Variants in FUNDC2 observed in about 807,000 individuals in gnomAD.
The protein encoded by FUNDC2 is FUN14 domain containing 2, also known as FUN14 domain-containing protein 2.
FUNDC2 carries 4 observed loss-of-function variants against 15.6 expected under a neutral mutation model. The observed-to-expected ratio is 0.26, with a 90% CI of 0.13 to 0.59. The LOEUF (loss-of-function observed/expected upper bound fraction) is 0.59. Among genes scored for constraint, FUNDC2 ranks in the 20% least tolerant of loss-of-function variants. The probability of loss-of-function intolerance (pLI) is 0.90; values close to 1 mark genes in which losing one functional copy is unlikely to be tolerated. For synonymous variants in FUNDC2, 44 were observed against 56.9 expected (o/e 0.77, Z 1.02); for missense variants, 98 against 149.7 (o/e 0.65, Z 1.80).
In FUNDC2 at chrX:155,055,443, AT is replaced by A. The variant is rs368875957; in HGVS notation, c.*782del. On this transcript the variant is annotated 3_prime_UTR_variant, in exon 5 of 5. Transcript: ENST00000369498. Reference sequence around the variant, plus strand: ...ATAACTCCTCTGTGCCACTTCTACTATTTTTTTTTTTAATCTAGTTAGTATG... The same window carrying A: ...ATAACTCCTCTGTGCCACTTCTACTATTTTTTTTTTAATCTAGTTAGTATG... 0.022 allele frequency: 4,522 copies of A among 204,353 alleles called. 18 individuals are homozygous for A. The highest frequency in any genetic ancestry group is 0.057 in the Admixed American group (735 of 12,899). 16.8% of individuals were successfully genotyped at this position (204,353 alleles called of 1,213,427 possible).
Position 155,054,894 on chromosome X carries a change from C to A in FUNDC2, c.*222C>A, listed in dbSNP as rs1387936529. ...AGTCCTTAGCTCTCCTCCCAGTACA[C>A]CCCCTACTTGGCCAGTCTGTAGGCC... On this transcript the variant is annotated 3_prime_UTR_variant, in exon 5 of 5. Coordinates refer to ENST00000369498, the MANE Select transcript of FUNDC2 (RefSeq NM_023934.4). 12 of 392,584 alleles carry A rather than the reference C, an allele frequency of 3.1e-5. No individual in the cohort carries two copies. Among genetic ancestry groups the A allele is most frequent in the Non-Finnish European group, 4.4e-5 (10 of 226,907 alleles). 32.4% of individuals were successfully genotyped at this position (392,584 alleles called of 1,213,427 possible). A position where few individuals can be genotyped will look rare whatever the true frequency, so the allele number is the denominator to read the frequency against.
chrX:155,045,632 GACAA>G (rs1557289975), intron 2 of FUNDC2, among the ~76,000 whole-genome samples: 1 of 111,689 alleles, frequency 9.0e-6, no homozygotes, highest in African/African-American at 3.3e-5. Flanking sequence ...GAAGTCATGG[GACAA>G]AAGCCTGAAT....
intron 1 of FUNDC2, among the ~76,000 whole-genome samples, chrX:155,028,191 A>G (rs1309687717): frequency 9.9e-6 from 1 of 100,848 alleles, no homozygotes; most frequent in Non-Finnish European, 1.9e-5. Context: ...AATTGTTATC[A>G]CAGTGATGAT....
chrX:155,054,376 C>A, intron 4 of FUNDC2: 1 of 747,928 alleles, frequency 1.3e-6, no homozygotes, highest in South Asian at 6.8e-5. Context: ...TAGTCTTATT[C>A]TCCCCACACC....
chrX:155,054,561 C>A (rs1328442043), intron 4 of FUNDC2, 34 bp from the exon 5 acceptor site: 1 of 1,206,279 alleles, frequency 8.3e-7, no homozygotes, highest in East Asian at 3.0e-5. Flanking sequence ...ACATCCTTAG[C>A]AAAACAACCC....
At position 155,056,226 on chromosome X, in the gene FUNDC2, C is replaced by G. The variant is rs930047255; in HGVS notation, c.*1554C>G. 22 of 112,015 alleles carry G rather than the reference C, an allele frequency of 2.0e-4. No homozygotes were observed. The highest frequency in any genetic ancestry group is 5.8e-4 in the African/African-American group (18 of 30,839). The allele number at this position is 112,015 out of a possible 1,213,427, so 9.2% of individuals were successfully genotyped here. A position where few individuals can be genotyped will look rare whatever the true frequency, so the allele number is the denominator to read the frequency against. On this transcript the variant is annotated 3_prime_UTR_variant, in exon 5 of 5. Coordinates refer to ENST00000369498, the MANE Select transcript of FUNDC2 (RefSeq NM_023934.4). Reference sequence around the variant, plus strand: ...CCCCTGTGTATCTATCACTCACTCACAACAATCATCAAATTATAGCTCTGC... The same window carrying G: ...CCCCTGTGTATCTATCACTCACTCAGAACAATCATCAAATTATAGCTCTGC...
rs190255060 is a variant in FUNDC2, at chrX:155,035,459, T to C, written c.284+1906T>C. 1.8e-4 allele frequency among the ~76,000 whole-genome samples: 20 copies of C among 112,141 alleles called. No individual in the cohort carries two copies. The East Asian group carries it at 5.2e-3, about 29-fold the overall frequency. ...ATAAAATTTGATACATTTTTACATA[T>C]GTACATGCCCATAAAACCATCACCA... On this transcript the variant is annotated intron_variant, in intron 2 of 4. Coordinates refer to ENST00000369498, the MANE Select transcript of FUNDC2 (RefSeq NM_023934.4).
rs781841002 is a variant in FUNDC2 at position 155,038,378 on chromosome X, C to G, written c.284+4825C>G. ...TTACCATGTTTTTGTGGTGAGAACA[C>G]TTAAAACCTACTCTTATAGCAATTT... On this transcript the variant is annotated intron_variant, in intron 2 of 4. Transcript: ENST00000369498. Among the ~76,000 whole-genome samples, 5 of 112,070 alleles carry G rather than the reference C, an allele frequency of 4.5e-5. No homozygotes were observed. In the Admixed American group the frequency reaches 4.7e-4, roughly 11 times the overall value.
chrX:155,052,954 C>G (rs2073883232), intron 4 of FUNDC2, among the ~76,000 whole-genome samples: 1 of 112,504 alleles, frequency 8.9e-6, no homozygotes, highest in Non-Finnish European at 1.9e-5. Flanking sequence ...TCATGGCTCA[C>G]TGTTGCCTCA....
chrX:155,058,280 T>C lies in FUNDC2; in HGVS notation c.*3608T>C, dbSNP rs2073915595. 1 of 111,201 alleles carries C rather than the reference T, an allele frequency of 9.0e-6. No homozygotes were observed. The highest frequency in any genetic ancestry group is 1.9e-5 in the Non-Finnish European group (1 of 53,011). 9.2% of individuals were successfully genotyped at this position (111,201 alleles called of 1,213,427 possible). A position where few individuals can be genotyped will look rare whatever the true frequency, so the allele number is the denominator to read the frequency against. On this transcript the variant is annotated 3_prime_UTR_variant, in exon 5 of 5. Transcript: ENST00000369498. Reference sequence around the variant, plus strand: ...AATTCTAGCCAACATGCTCTTGGGGTGGGTGCTTCTGGTTTTGGAAAGCAA... The same window carrying C: ...AATTCTAGCCAACATGCTCTTGGGGCGGGTGCTTCTGGTTTTGGAAAGCAA...
intron 1 of FUNDC2, among the ~76,000 whole-genome samples, chrX:155,028,235 T>A (rs2073802537): frequency 9.0e-6 from 1 of 111,704 alleles, no homozygotes; most frequent in Admixed American, 9.4e-5. Flanking sequence ...TTTTGTGGGC[T>A]CATAAACGAA....
chrX:155,054,496 A>C, intron 4 of FUNDC2, 99 bp from the exon 5 acceptor site: 1 of 1,172,948 alleles, frequency 8.5e-7, no homozygotes, highest in Non-Finnish European at 1.1e-6. Context: ...CGATGAGGGG[A>C]TTGACATTGT....
At chrX:155,050,894 T>C (rs1557290439) in intron 3 of FUNDC2, 2 of 112,033 alleles carry the variant, frequency 1.8e-5, no homozygotes, top group African/African-American at 6.5e-5. Context: ...TTAGCTAAAA[T>C]AGGGCCTAGA....
At chrX:155,042,341 C>T (rs782534769) in intron 2 of FUNDC2, among the ~76,000 whole-genome samples, 14 of 106,943 alleles carry the variant, frequency 1.3e-4, no homozygotes, top group East Asian at 1.2e-3. Context: ...TGTGCACCAC[C>T]GCACCTGGCT....
At chrX:155,043,996 T>C (rs1440472635) in intron 2 of FUNDC2, among the ~76,000 whole-genome samples, 1 of 111,947 alleles carries the variant, frequency 8.9e-6, no homozygotes, top group African/African-American at 3.2e-5. Flanking sequence ...TCTCTCTTAG[T>C]GAGGAGGGAA....
intron 3 of FUNDC2, among the ~76,000 whole-genome samples, chrX:155,048,825 TC>T (rs2073871453): frequency 2.7e-5 from 3 of 112,453 alleles, no homozygotes; most frequent in Admixed American, 9.4e-5. Flanking sequence ...TCAGTTTTAT[TC>T]CTGGATACCT....
Position 155,051,674 on chromosome X carries a change from C to A in FUNDC2, c.365C>A (p.Ala122Glu). 8.3e-7 allele frequency: 1 copy of A among 1,209,614 alleles called. No homozygotes were observed. The highest frequency in any genetic ancestry group is 1.1e-6 in the Non-Finnish European group (1 of 893,851). Residue 122 changes from alanine (A) to glutamate (E), a missense_variant, in exon 4 of 5, where the codon GCA (alanine) becomes GAA (glutamate). By Grantham distance (107) the Ala-to-Glu change is moderately radical. Coordinates refer to ENST00000369498, the MANE Select transcript of FUNDC2 (RefSeq NM_023934.4). ...VGGGFFLLQLANHTGYIKVDW... is the reference protein window; with the variant it reads ...VGGGFFLLQLENHTGYIKVDW... ...TCATTATTGTTGATACTGTAGCTTG[C>A]AAACCATACTGGGTACATCAAAGTT...
intron 3 of FUNDC2, chrX:155,050,432 A>C (rs1287850983): frequency 2.7e-5 from 3 of 111,763 alleles, no homozygotes. Context: ...TTTTTATGTA[A>C]GAGCCTTCAA....
Position 155,057,532 on chromosome X carries a change from C to G in FUNDC2, c.*2860C>G, listed in dbSNP as rs1557291180. ...GGAATGTGTTCGGGGTTTCATCGCC[C>G]CCTTGTGGCGGCGACGTGGTAACAC... On this transcript the variant is annotated 3_prime_UTR_variant, in exon 5 of 5. Transcript: ENST00000369498. The G allele has an allele frequency of 9.0e-6, 1 of 111,270 alleles. No homozygotes were observed. Among genetic ancestry groups the G allele is most frequent in the African/African-American group, 3.3e-5 (1 of 30,384 alleles). The allele number at this position is 111,270 out of a possible 1,213,427, so 9.2% of individuals were successfully genotyped here.
Sources: allele counts gnomAD v4.1 joint callset (sites outside exome capture counted in the v4.1 genomes callset), GRCh38; gene constraint gnomAD v4.1.1; transcripts MANE v1.5; gene names NCBI Gene and HGNC (gene_info 2026-07-23, HGNC 2026-07-21).